The following DYM variants were observed in gnomAD, a reference collection of about 807,000 sequenced individuals.
The protein encoded by DYM is dyggve-Melchior-Clausen syndrome protein.
Under a neutral mutation model 93.1 loss-of-function variants are expected in DYM, and 78 were observed. The ratio of observed to expected loss-of-function variants is 0.84; its 90% CI spans 0.70 to 1.01. The LOEUF (loss-of-function observed/expected upper bound fraction) is 1.01. Ranked by LOEUF, DYM falls within the 50% of genes least tolerant of loss-of-function variation. DYM has a pLI of 0.00. For missense variants in DYM, 789 were observed against 845.0 expected (o/e 0.93, Z 0.82); for synonymous variants, 321 against 319.7 (o/e 1.00, Z -0.04).
At chr18:49,149,702 G>GTTTTTTTTT (rs35259913) in intron 15 of DYM, among the ~76,000 whole-genome samples, 4 of 76,852 alleles carry the variant, frequency 5.2e-5, no homozygotes, top group Non-Finnish European at 7.0e-5. Context: ...ATTACAAAGT[G>GTTTTTTTTT]TTTTTTTTTT....
At chr18:49,044,302 A>G in intron 17 of DYM, 98 bp from the exon 18 acceptor site, 1 of 1,363,974 alleles carries the variant, frequency 7.3e-7, no homozygotes, top group Non-Finnish European at 1.0e-6. Flanking sequence ...CGGGGAGCCC[A>G]CCCACCCCTG....
At chr18:49,320,225 A>G (rs2062359165) in intron 8 of DYM, among the ~76,000 whole-genome samples, 1 of 152,212 alleles carries the variant, frequency 6.6e-6, no homozygotes, top group Admixed American at 6.5e-5. Context: ...TACAACAGTA[A>G]TTCATCCTCA....
chr18:49,108,693 T>C (rs1238952689), intron 16 of DYM, among the ~76,000 whole-genome samples: 1 of 152,192 alleles, frequency 6.6e-6, no homozygotes, highest in Non-Finnish European at 1.5e-5. Flanking sequence ...TGCACTGATG[T>C]TGTTGGGTGG....
intron 8 of DYM, among the ~76,000 whole-genome samples, chr18:49,320,054 A>C (rs1009234271): frequency 6.6e-6 from 1 of 152,226 alleles, no homozygotes; most frequent in Admixed American, 6.5e-5. Context: ...TTTTAAAGAT[A>C]GGGAAAAGCT....
At chr18:49,108,400 T>C (rs1024524923) in intron 16 of DYM, among the ~76,000 whole-genome samples, 6 of 152,344 alleles carry the variant, frequency 3.9e-5, no homozygotes, top group African/African-American at 1.2e-4. Context: ...CGCAGTGCGC[T>C]GCACCTACTG....
intron 13 of DYM, among the ~76,000 whole-genome samples, chr18:49,229,308 T>C (rs1417136071): frequency 6.6e-6 from 1 of 152,002 alleles, no homozygotes; most frequent in African/African-American, 2.4e-5. Context: ...TATAGATTAT[T>C]TGAAATGTTG....
chr18:49,287,546 G>GA (rs2059741087), intron 8 of DYM, among the ~76,000 whole-genome samples: 1 of 151,850 alleles, frequency 6.6e-6, no homozygotes, highest in African/African-American at 2.4e-5. Context: ...AAATTTTAGA[G>GA]AAAAAATTTC....
At chr18:49,163,921 G>A in intron 14 of DYM, 134 bp from the exon 15 acceptor site, 3 of 653,482 alleles carry the variant, frequency 4.6e-6, no homozygotes, top group Non-Finnish European at 8.2e-6. Context: ...TCATGCCTGT[G>A]TTAACAGCAA....
intron 8 of DYM, among the ~76,000 whole-genome samples, chr18:49,295,201 A>G (rs2060446557): frequency 6.6e-6 from 1 of 152,220 alleles, no homozygotes; most frequent in Admixed American, 6.5e-5. Context: ...AATAATAAGG[A>G]AAGAAAGTTT....
chr18:49,351,604 C>T (rs1393935634), intron 6 of DYM, among the ~76,000 whole-genome samples: 1 of 149,998 alleles, frequency 6.7e-6, no homozygotes, highest in African/African-American at 2.4e-5. Context: ...AAAAACCATA[C>T]AGAGCAATGA....
At chr18:49,392,683 A>AT (rs1201788039) in intron 2 of DYM, among the ~76,000 whole-genome samples, 4 of 29,448 alleles carry the variant, frequency 1.4e-4, no homozygotes, top group Non-Finnish European at 2.3e-4. Flanking sequence ...CTTTTATTTA[A>AT]AAAAAAAAAA....
intron 2 of DYM, among the ~76,000 whole-genome samples, chr18:49,422,521 G>C (rs1445723678): frequency 2.6e-5 from 4 of 152,148 alleles, no homozygotes; most frequent in African/African-American, 9.7e-5. Flanking sequence ...ACATCATAAT[G>C]ACAGGATCAA....
chr18:49,221,582 G>A (rs1375778039), intron 13 of DYM, among the ~76,000 whole-genome samples: 7 of 152,196 alleles, frequency 4.6e-5, no homozygotes, highest in Middle Eastern at 3.4e-3. Context: ...AGCCATAAAA[G>A]ATGATGAGTT....
intron 1 of DYM, among the ~76,000 whole-genome samples, chr18:49,432,621 T>C (rs1319603612): frequency 2.7e-5 from 4 of 150,112 alleles, no homozygotes; most frequent in African/African-American, 7.3e-5. Context: ...TTTTTTTTTT[T>C]AAGAAACAGG....
intron 5 of DYM, among the ~76,000 whole-genome samples, chr18:49,370,295 A>C (rs2337548): frequency 0.62 from 91,371 of 146,640 alleles, 29,776 homozygotes; most frequent in Admixed American, 0.71. Flanking sequence ...AAAAAAAAAA[A>C]AAAACAAAAC....
intron 14 of DYM, among the ~76,000 whole-genome samples, chr18:49,177,377 C>A (rs542764952): frequency 6.6e-6 from 1 of 152,276 alleles, no homozygotes; most frequent in South Asian, 2.1e-4. Flanking sequence ...TGCAGAGTAC[C>A]TATAACTACG....
chr18:49,116,150 C>T (rs1291715782), intron 16 of DYM: 1 of 152,206 alleles, frequency 6.6e-6, no homozygotes, highest in East Asian at 1.9e-4. Flanking sequence ...GATGGCTTCT[C>T]ATCAAGTATT....
At chr18:49,236,838 T>C (rs892012708) in intron 13 of DYM, among the ~76,000 whole-genome samples, 3 of 152,200 alleles carry the variant, frequency 2.0e-5, no homozygotes, top group African/African-American at 7.2e-5. Flanking sequence ...CCAAACCATC[T>C]GCTCTTTGCA....
At chr18:49,437,244 A>G (rs1429566753) in intron 1 of DYM, among the ~76,000 whole-genome samples, 1 of 152,130 alleles carries the variant, frequency 6.6e-6, no homozygotes, top group African/African-American at 2.4e-5. Context: ...ATATACAAAC[A>G]TATGTTCAAC....
Sources: allele counts gnomAD v4.1 joint callset (sites outside exome capture counted in the v4.1 genomes callset), GRCh38; gene constraint gnomAD v4.1.1; transcripts MANE v1.5; gene names NCBI Gene and HGNC (gene_info 2026-07-23, HGNC 2026-07-21).